The following FSD1L variants were observed in gnomAD, a reference collection of about 807,000 sequenced individuals.
FSD1L encodes the protein FSD1-like protein.
FSD1L carries 45 observed loss-of-function variants against 71.6 expected under a neutral mutation model. That is an observed-to-expected ratio of 0.63 (90% CI 0.49 to 0.81). FSD1L has a LOEUF of 0.81. FSD1L is among the 30% of genes least tolerant of loss of function. FSD1L has a pLI of 0.00. For missense variants in FSD1L, 561 were observed against 618.1 expected, an observed-to-expected ratio of 0.91 and a Z score of 0.98; for synonymous variants, 197 against 207.2, an observed-to-expected ratio of 0.95 and a Z score of 0.42.
chr9:105,520,293 A>T, intron 10 of FSD1L: 3 of 1,540,274 alleles, frequency 1.9e-6, no homozygotes, highest in South Asian at 1.2e-5. Flanking sequence ...ATCCTAGTTC[A>T]GAGTTTATCT....
intron 1 of FSD1L, 114 bp downstream of exon 1, chr9:105,448,349 C>A: frequency 9.8e-7 from 1 of 1,017,122 alleles, no homozygotes; most frequent in Non-Finnish European, 1.3e-6. Context: ...GCCGGGCGTC[C>A]GGGCTGCTGC....
chr9:105,526,616 TA>T (rs1835529806), intron 10 of FSD1L, among the ~76,000 whole-genome samples: 1 of 152,234 alleles, frequency 6.6e-6, no homozygotes, highest in Admixed American at 6.5e-5. Context: ...ATGTCTGCCA[TA>T]ACATGCATGT....
intron 4 of FSD1L, among the ~76,000 whole-genome samples, chr9:105,469,986 G>A (rs921051241): frequency 6.6e-6 from 1 of 151,834 alleles, no homozygotes; most frequent in Non-Finnish European, 1.5e-5. Flanking sequence ...GTGGATATTC[G>A]GTTTTCCTAG....
At position 105,551,477 on chromosome 9, in the gene FSD1L, T is replaced by G. The variant is rs1284123019; in HGVS notation, c.*4994T>G. ...TGAGGAAATAAAATGAAATGGAGTA[T>G]GTGAAATTGCTTCAGCAACAGCAAA... is the stretch of plus-strand genomic sequence containing the variant. On this transcript the variant is annotated 3_prime_UTR_variant, in exon 14 of 14. Transcript: ENST00000481272. 1 of 152,106 alleles carries G rather than the reference T, an allele frequency of 6.6e-6. No homozygotes were observed. The highest frequency in any genetic ancestry group is 2.4e-5 in the African/African-American group (1 of 41,436). 9.4% of individuals were successfully genotyped at this position (152,106 alleles called of 1,614,324 possible). A position where few individuals can be genotyped will look rare whatever the true frequency, so the allele number is the denominator to read the frequency against.
At chr9:105,468,170 GTT>G in intron 3 of FSD1L, 21 bp from the exon 4 acceptor site, 5 of 1,354,970 alleles carry the variant, frequency 3.7e-6, no homozygotes, top group Non-Finnish European at 3.8e-6. Flanking sequence ...CAGTAAAATT[GTT>G]TTGTTTTGTT....
Position 105,471,988 on chromosome 9 carries a change from C to A in FSD1L, c.424C>A (p.Pro142Thr), listed in dbSNP as rs541003238. 2 of 1,430,608 alleles carry A rather than the reference C, an allele frequency of 1.4e-6. No individual in the cohort carries two copies. The highest frequency in any genetic ancestry group is 6.0e-5 in the East Asian group (2 of 33,590). The allele number at this position is 1,430,608 out of a possible 1,614,324, so 88.6% of individuals were successfully genotyped here. ...AACAAGGTCATTAGATATAAAGGAA[C>A]CTGAAGAATTTTCAAAGGTACACAA... ...FATRSLDIKE[P>T]EEFSKAARQI... Residue 142 changes from proline to threonine, a missense_variant, in exon 5 of 14, where the codon CCT becomes ACT. This residue lies in a region of FSD1L where 410 missense variants were observed against 413.5 expected (regional missense o/e 0.99). Transcript: ENST00000481272.
intron 7 of FSD1L, among the ~76,000 whole-genome samples, chr9:105,503,862 C>T (rs762133061): frequency 9.2e-5 from 14 of 152,346 alleles, no homozygotes; most frequent in South Asian, 8.3e-4. Context: ...GTCCCTCCCA[C>T]GTGTCACCAC....
rs78784064 is a variant in FSD1L, at chr9:105,531,537, A to G, written c.1026-2956A>G. Reference sequence around the variant, plus strand: ...AGAGCTAGTGTTCTCAGGTTATTGTATCCCATCTTCCTTCTCTAGTTACAA... The same window carrying G: ...AGAGCTAGTGTTCTCAGGTTATTGTGTCCCATCTTCCTTCTCTAGTTACAA... On this transcript the variant is annotated intron_variant, in intron 10 of 13. Coordinates refer to ENST00000481272, the MANE Select transcript of FSD1L (RefSeq NM_001145313.3). Among the ~76,000 whole-genome samples the G allele has an allele frequency of 9.2e-3, 1,400 of 152,346 alleles. 21 individuals carry two copies. The highest frequency in any genetic ancestry group is 0.032 in the African/African-American group (1,341 of 41,578).
At chr9:105,525,695 C>T in intron 10 of FSD1L, 4 of 1,607,778 alleles carry the variant, frequency 2.5e-6, no homozygotes, top group Non-Finnish European at 3.4e-6. Flanking sequence ...TTTTATGTTG[C>T]TGAAGGACAA....
rs117118452 is a variant in FSD1L, at chr9:105,542,848, T to G, written c.1467+3497T>G. On this transcript the variant is annotated intron_variant, in intron 13 of 13. Transcript: ENST00000481272. The stretch of plus-strand genomic sequence containing the variant: ...TTTCTCCTGGTTATGGTTTGCATTT[T>G]CATTTTCTGAACATTTCAGAGAGAA... 6.3e-3 allele frequency among the ~76,000 whole-genome samples: 956 copies of G among 152,348 alleles called. 5 individuals carry two copies. The highest frequency in any genetic ancestry group is 9.2e-3 in the Non-Finnish European group (624 of 68,024).
At chr9:105,523,426 C>T in intron 10 of FSD1L, 3 of 1,603,382 alleles carry the variant, frequency 1.9e-6, no homozygotes, top group Non-Finnish European at 2.6e-6. Context: ...GGATGGCATG[C>T]TGATGTTGCT....
intron 12 of FSD1L, among the ~76,000 whole-genome samples, chr9:105,536,738 C>T (rs145384112): frequency 0.012 from 1,803 of 152,044 alleles, 52 homozygotes; most frequent in African/African-American, 0.041. Context: ...CATGTTCAAG[C>T]GACTCTCCTG....
chr9:105,491,855 G>C (rs1276295516), intron 7 of FSD1L, among the ~76,000 whole-genome samples: 1 of 152,184 alleles, frequency 6.6e-6, no homozygotes, highest in African/African-American at 2.4e-5. Flanking sequence ...AAGCCCACTT[G>C]ATCATGGTGG....
At chr9:105,521,895 A>G (rs1349394605) in intron 10 of FSD1L, 1 of 1,612,292 alleles carries the variant, frequency 6.2e-7, no homozygotes, top group African/African-American at 1.3e-5. Context: ...AAATGAAATA[A>G]AAAATCTTCT....
intron 3 of FSD1L, 149 bp from the exon 4 acceptor site, chr9:105,468,044 C>A (rs1831190504): frequency 3.9e-6 from 2 of 512,130 alleles, no homozygotes; most frequent in Non-Finnish European, 6.2e-6. Context: ...CTTTTTAAAG[C>A]CTTAAGTCAA....
chr9:105,498,190 TTTA>T (rs61620098), intron 7 of FSD1L, among the ~76,000 whole-genome samples: 2,745 of 143,400 alleles, frequency 0.019, 30 homozygotes, highest in African/African-American at 0.037. Flanking sequence ...TTGCTTTGGC[TTTA>T]TTATTATTAT....
chr9:105,472,059 G>A, intron 5 of FSD1L, 54 bp downstream of exon 5: 1 of 1,397,674 alleles, frequency 7.2e-7, no homozygotes, highest in Non-Finnish European at 9.4e-7. Context: ...TTTTTAAAAA[G>A]GCGTTTTTGT....
chr9:105,478,060 T>C (rs1831926708), intron 5 of FSD1L, among the ~76,000 whole-genome samples: 1 of 152,100 alleles, frequency 6.6e-6, no homozygotes, highest in African/African-American at 2.4e-5. Flanking sequence ...TTGTCTAACA[T>C]GGTGAAACCC....
At chr9:105,527,604 G>A (rs532936387) in intron 10 of FSD1L, among the ~76,000 whole-genome samples, 44 of 151,622 alleles carry the variant, frequency 2.9e-4, no homozygotes, top group Non-Finnish European at 5.7e-4. Context: ...CTGGCAAGCC[G>A]TAAAATATAA....
Sources: gnomAD v4.1 joint callset for allele counts (sites outside exome capture counted in the v4.1 genomes callset) on GRCh38, gnomAD v4.1.1 for gene constraint, gnomAD v4.1.1 regional missense constraint, MANE v1.5 for transcripts, NCBI Gene and HGNC (gene_info 2026-07-23, HGNC 2026-07-21) for gene names.